The following TUBGCP5 variants were observed in gnomAD, a reference collection of about 807,000 sequenced individuals.
TUBGCP5 encodes the protein tubulin gamma complex component 5, also known as gamma-tubulin complex component 5.
In TUBGCP5, 98 loss-of-function variants were observed where a neutral mutation model predicts 134.7. That is an observed-to-expected ratio of 0.73 (90% confidence interval 0.62 to 0.86). The LOEUF (loss-of-function observed/expected upper bound fraction) is 0.86. TUBGCP5 is among the 40% of genes least tolerant of loss of function. The pLI is 0.00. For missense variants in TUBGCP5, 1,150 were observed against 1,244.8 expected (o/e 0.92, Z 1.15); for synonymous variants, 456 against 431.4 (o/e 1.06, Z -0.71).
chr15:22,999,925 T>G, intron 22 of TUBGCP5, 59 bp from the exon 23 acceptor site: 1 of 1,562,396 alleles, frequency 6.4e-7, no homozygotes, highest in Non-Finnish European at 8.8e-7. Flanking sequence ...AAAAAAATTT[T>G]TTTTGAAGAC....
intron 1 of TUBGCP5, 102 bp downstream of exon 1, chr15:23,039,295 GC>G: frequency 6.7e-6 from 8 of 1,195,562 alleles, no homozygotes; most frequent in Non-Finnish European, 7.4e-6. Flanking sequence ...GCCCGCCTCC[GC>G]CCCATGCCCT....
chr15:22,999,647 T>G lies in TUBGCP5; in HGVS notation c.*173A>C. ...AACTCCTGGGCTCAAGTGATCTGCCTGTCTTGGCCTCCCATCGTGCTGGGA... is the reference window on the plus strand; with the variant it reads ...AACTCCTGGGCTCAAGTGATCTGCCGGTCTTGGCCTCCCATCGTGCTGGGA... On this transcript the variant is annotated 3_prime_UTR_variant, in exon 23 of 23. Coordinates refer to ENST00000615383, the MANE Select transcript of TUBGCP5 (RefSeq NM_052903.6). The G allele has an allele frequency of 1.5e-6, 1 of 659,064 alleles. No individual in the cohort carries two copies. Among genetic ancestry groups the G allele is most frequent in the Non-Finnish European group, 2.6e-6 (1 of 387,998 alleles). 40.8% of individuals were successfully genotyped at this position (659,064 alleles called of 1,614,324 possible).
chr15:23,030,609 A>AAAAAG (rs1179021530), intron 6 of TUBGCP5, among the ~76,000 whole-genome samples: 2 of 151,880 alleles, frequency 1.3e-5, no homozygotes, highest in African/African-American at 4.8e-5. Context: ...ATTAAAAAAA[A>AAAAAG]AAAAAAAAAA....
chr15:23,006,229 G>A (rs764229723), intron 17 of TUBGCP5, 39 bp downstream of exon 17: 2 of 1,608,926 alleles, frequency 1.2e-6, no homozygotes, highest in Admixed American at 3.4e-5. Context: ...TTTAATGTTA[G>A]CAGAAAACAC....
At chr15:22,990,811 T>C (rs2063823369) in intron 23 of TUBGCP5, among the ~76,000 whole-genome samples, 1 of 152,196 alleles carries the variant, frequency 6.6e-6, no homozygotes, top group Non-Finnish European at 1.5e-5. Flanking sequence ...CAATAAGCAG[T>C]GTGCTTACAA....
intron 1 of TUBGCP5, among the ~76,000 whole-genome samples, chr15:23,039,148 C>G (rs975621684): frequency 3.3e-5 from 5 of 151,954 alleles, no homozygotes; most frequent in African/African-American, 4.8e-5. Context: ...CGGCAAGAAA[C>G]CCAGTTCACG....
chr15:23,026,252 G>A lies in TUBGCP5; in HGVS notation c.738-47C>T, dbSNP rs574820135. The A allele has an allele frequency of 4.7e-6, 7 of 1,503,542 alleles. No individual in the cohort carries two copies. In the East Asian group the frequency reaches 1.4e-4, roughly 29 times the overall value. 93.1% of individuals were successfully genotyped at this position (1,503,542 alleles called of 1,614,324 possible). On this transcript the variant is annotated intron_variant, in intron 7 of 22. Transcript: ENST00000615383. ...TGTCAATAGAAAGGTTTCTAAGTAA[G>A]TAAATAACTTATCTCAAAGAATATC...
rs138043110 is a variant in TUBGCP5 at position 22,992,835 on chromosome 15, G to A, written c.*61+4010C>T. ...ATAGGACAGAATATACATAATAAAC[G>A]GGTGACCTAGCTAATGAGATTTTCC... is the stretch of plus-strand genomic sequence containing the variant. On this transcript the variant is annotated intron_variant and NMD_transcript_variant, in intron 23 of 23. Coordinates refer to the TUBGCP5 transcript ENST00000614508. Among the ~76,000 whole-genome samples, 116 of 152,190 alleles carry A rather than the reference G, an allele frequency of 7.6e-4. 1 individual carries two copies. In the South Asian group the frequency reaches 0.023, roughly 30 times the overall value.
chr15:23,003,476 A>G (rs1204800045), intron 20 of TUBGCP5, among the ~76,000 whole-genome samples: 1 of 152,122 alleles, frequency 6.6e-6, no homozygotes, highest in Non-Finnish European at 1.5e-5. Context: ...ACTGAATTCT[A>G]TCTATTCACA....
chr15:22,996,983 G>C (rs539109171), downstream of TUBGCP5: 5 of 151,486 alleles, frequency 3.3e-5, no homozygotes, highest in Non-Finnish European at 7.4e-5. Context: ...AAAAAAAAAA[G>C]CTTGTCTTAC....
In TUBGCP5 at chr15:23,037,021, A is replaced by G; in HGVS notation, c.201-16T>C. 6.3e-7 allele frequency: 1 copy of G among 1,593,288 alleles called. No homozygotes were observed. The highest frequency in any genetic ancestry group is 1.2e-5 in the South Asian group (1 of 86,820). ...TTCATAAATTCTAAAATATAAGAAA[A>G]GATTATAAAGCTATCTTAAAAAGAT... On this transcript the variant is annotated splice_polypyrimidine_tract_variant and intron_variant, in intron 2 of 22. Transcript: ENST00000615383.
At chr15:23,029,461 T>C (rs567244562) in intron 6 of TUBGCP5, among the ~76,000 whole-genome samples, 2 of 152,240 alleles carry the variant, frequency 1.3e-5, no homozygotes, top group East Asian at 3.9e-4. Flanking sequence ...CCTCAAGTGA[T>C]CCACCCAGCT....
chr15:23,009,919 C>T, intron 15 of TUBGCP5, 26 bp downstream of exon 15: 1 of 1,596,078 alleles, frequency 6.3e-7, no homozygotes, highest in Non-Finnish European at 8.5e-7. Context: ...CTATTTACTA[C>T]TTCCAAAATT....
intron 1 of TUBGCP5, 151 bp downstream of exon 1, chr15:23,039,247 A>C (rs921039043): frequency 1.1e-6 from 1 of 878,218 alleles, no homozygotes; most frequent in African/African-American, 1.8e-5. Flanking sequence ...GGCGGGGAGC[A>C]GGCGGTGGCA....
chr15:22,993,525 G>GTTTTTTTTTTTTTTTTTTTTTTTT (rs71414252), intron 23 of TUBGCP5, among the ~76,000 whole-genome samples: 1 of 69,288 alleles, frequency 1.4e-5, no homozygotes, highest in African/African-American at 6.0e-5. Context: ...AGCCCCCGAA[G>GTTTTTTTTTTTTTTTTTTTTTTTT]TTTTTTTTTT....
In TUBGCP5 at chr15:23,031,973, T is replaced by C; in HGVS notation, c.463A>G (p.Ile155Val). The C allele has an allele frequency of 6.2e-7, 1 of 1,612,788 alleles. No homozygotes were observed. Among genetic ancestry groups the C allele is most frequent in the African/African-American group, 1.3e-5 (1 of 75,026 alleles). The change falls in exon 5 of 23, where the codon ATT becomes GTT. Residue 155 changes from isoleucine (I) to valine (V), a missense_variant. By Grantham distance (29) the Ile-to-Val change is conservative. Transcript: ENST00000615383. The stretch of plus-strand genomic sequence containing the variant: ...ACTGGTGTGTCCATGTACGGACCAA[T>C]GTCCATTTCTTCATCTTCCATCAAG... ...KYLMEDEEMDIGPYMDTPNWS... is the reference protein window; with the variant it reads ...KYLMEDEEMDVGPYMDTPNWS...
Position 23,004,131 on chromosome 15 carries a change from T to G in TUBGCP5, c.2809A>C (p.Ile937Leu). 6.2e-7 allele frequency: 1 copy of G among 1,612,484 alleles called. No individual in the cohort carries two copies. Among genetic ancestry groups the G allele is most frequent in the East Asian group, 2.2e-5 (1 of 44,826 alleles). ...IKIHYRYLSTIHDRCLLREKV... is the reference protein window; with the variant it reads ...IKIHYRYLSTLHDRCLLREKV... ...TCTCTCAGCAGACACCGGTCATGGA[T>G]GGTTGACAGATACCTATAGTGAATT... Residue 937 changes from isoleucine (I) to leucine (L), a missense_variant, in exon 20 of 23, where the codon ATC (isoleucine) becomes CTC (leucine). Ile to Leu is a conservative substitution (Grantham distance 5). Transcript: ENST00000615383.
chr15:23,019,904 G>C (rs1395668013), intron 11 of TUBGCP5, among the ~76,000 whole-genome samples: 1 of 152,198 alleles, frequency 6.6e-6, no homozygotes. Flanking sequence ...CACAGAGGCA[G>C]CAGGTGTATC....
chr15:23,015,179 G>A (rs1186384442), intron 13 of TUBGCP5, among the ~76,000 whole-genome samples: 3 of 152,006 alleles, frequency 2.0e-5, no homozygotes, highest in East Asian at 2.0e-4. Flanking sequence ...TCCGCCTTCC[G>A]GGTTCCAGTG....
Sources: allele counts gnomAD v4.1 joint callset (sites outside exome capture counted in the v4.1 genomes callset), GRCh38; gene constraint gnomAD v4.1.1; transcripts MANE v1.5; gene names NCBI Gene and HGNC (gene_info 2026-07-23, HGNC 2026-07-21).